The following ABCC2 variants were observed in gnomAD, a reference collection of about 807,000 sequenced individuals.
ABCC2 encodes the protein ATP binding cassette subfamily C member 2.
Under a neutral mutation model 173.4 loss-of-function variants are expected in ABCC2, and 157 were observed. That is an observed-to-expected ratio of 0.91 (90% CI 0.80 to 1.03). The LOEUF (loss-of-function observed/expected upper bound fraction) is 1.03. Among genes scored for constraint, ABCC2 ranks in the 50% least tolerant of loss-of-function variants. The pLI, the probability that ABCC2 is intolerant of heterozygous loss-of-function variation, is 0.00. For missense variants in ABCC2, 1,822 were observed against 1,852.3 expected, an observed-to-expected ratio of 0.98 and a Z score of 0.30; for synonymous variants, 657 against 693.5, an observed-to-expected ratio of 0.95 and a Z score of 0.83.
At chr10:99,791,365 G>C (rs1027398153) in intron 2 of ABCC2, among the ~76,000 whole-genome samples, 1 of 152,160 alleles carries the variant, frequency 6.6e-6, no homozygotes, top group Non-Finnish European at 1.5e-5. Context: ...CCGAGACTGC[G>C]CCTCTGCACT....
chr10:99,851,476 TTTTA>T, intron 31 of ABCC2, 22 bp from the exon 32 acceptor site: 3 of 1,613,954 alleles, frequency 1.9e-6, no homozygotes, highest in Non-Finnish European at 2.5e-6. Context: ...TTTCTAAGAC[TTTTA>T]TTTCTTTCTT....
Position 99,782,767 on chromosome 10 carries a change from T to C in ABCC2, c.-78T>C. On this transcript the variant is annotated 5_prime_UTR_variant, in exon 1 of 32. Coordinates refer to ENST00000647814, the MANE Select transcript of ABCC2 (RefSeq NM_000392.5). ...GGTAGATAATTCCTGTTCCACTTTCTTTGATGAAACAAGTAAAGAAGAAAC... is the reference window on the plus strand; with the variant it reads ...GGTAGATAATTCCTGTTCCACTTTCCTTGATGAAACAAGTAAAGAAGAAAC... 6.6e-7 allele frequency: 1 copy of C among 1,507,460 alleles called. No homozygotes were observed. Among genetic ancestry groups the C allele is most frequent in the Non-Finnish European group, 9.2e-7 (1 of 1,083,508 alleles). The allele number at this position is 1,507,460 out of a possible 1,614,324, so 93.4% of individuals were successfully genotyped here. A position where few individuals can be genotyped will look rare whatever the true frequency, so the allele number is the denominator to read the frequency against.
chr10:99,789,528 A>G (rs1399338603), intron 2 of ABCC2: 1 of 152,320 alleles, frequency 6.6e-6, no homozygotes, highest in Non-Finnish European at 1.5e-5. Flanking sequence ...CAGTCTGGGC[A>G]ACATGGTGAA....
intron 26 of ABCC2, among the ~76,000 whole-genome samples, chr10:99,843,065 AAAG>A (rs1287926227): frequency 6.6e-6 from 1 of 152,076 alleles, no homozygotes; most frequent in Non-Finnish European, 1.5e-5. Context: ...AAAAAAAAAA[AAAG>A]AAGTTAATAA....
chr10:99,819,641 AC>A (rs1477083170), intron 19 of ABCC2, among the ~76,000 whole-genome samples: 2 of 152,028 alleles, frequency 1.3e-5, no homozygotes, highest in African/African-American at 4.8e-5. Context: ...CATCCCATCT[AC>A]CCCAAATCCA....
intron 25 of ABCC2, among the ~76,000 whole-genome samples, chr10:99,841,066 T>C (rs2038935600): frequency 6.6e-6 from 1 of 152,184 alleles, no homozygotes; most frequent in Non-Finnish European, 1.5e-5. Flanking sequence ...AACCCCAGTA[T>C]ATCTCCCTGT....
At chr10:99,827,717 T>G (rs1008034631) in intron 19 of ABCC2, among the ~76,000 whole-genome samples, 60 of 151,678 alleles carry the variant, frequency 4.0e-4, no homozygotes, top group Admixed American at 3.9e-3. Flanking sequence ...TGATTAGATT[T>G]TTTTGTAGAT....
Position 99,818,790 on chromosome 10 carries a change from G to T in ABCC2, c.2272G>T (p.Gly758Cys). 3 of 1,613,886 alleles carry T rather than the reference G, an allele frequency of 1.9e-6. No individual in the cohort carries two copies. Among genetic ancestry groups the T allele is most frequent in the Non-Finnish European group, 2.5e-6 (3 of 1,179,998 alleles). Residue 758 changes from glycine (G) to cysteine (C), a missense_variant and splice_region_variant, in exon 18 of 32, where the codon GGT becomes TGT. Gly to Cys is a radical substitution (Grantham distance 159, BLOSUM62 -3). Transcript: ENST00000647814. Reference sequence around the variant, plus strand: ...TAATATGAATTATTTTCTTCTTCAGGGTATAAATCTTAGTGGGGGTCAGAA... The same window carrying T: ...TAATATGAATTATTTTCTTCTTCAGTGTATAAATCTTAGTGGGGGTCAGAA... ...GGDLAEIGEK[G>C]INLSGGQKQR... is the part of the protein sequence containing the mutation.
chr10:99,848,759 G>T (rs1268790940), intron 30 of ABCC2, among the ~76,000 whole-genome samples: 1 of 151,746 alleles, frequency 6.6e-6, no homozygotes, highest in East Asian at 1.9e-4. Flanking sequence ...CTGTAGCCCA[G>T]ACCAACTGAA....
intron 30 of ABCC2, among the ~76,000 whole-genome samples, chr10:99,849,359 T>G (rs1343811719): frequency 2.6e-5 from 4 of 152,232 alleles, no homozygotes; most frequent in African/African-American, 9.6e-5. Context: ...CAGTACAGTC[T>G]GTGCTACAGA....
At chr10:99,829,202 G>A (rs187135937) in intron 19 of ABCC2, among the ~76,000 whole-genome samples, 2 of 152,212 alleles carry the variant, frequency 1.3e-5, no homozygotes, top group Non-Finnish European at 1.5e-5. Context: ...GGGTTTTTGG[G>A]AGCATTCTGA....
At chr10:99,829,469 C>CCAAATTTGACCA (rs2038702127) in intron 19 of ABCC2, among the ~76,000 whole-genome samples, 2 of 152,030 alleles carry the variant, frequency 1.3e-5, no homozygotes, top group Admixed American at 1.3e-4. Context: ...AATCATTATT[C>CCAAATTTGACCA]TAATTGCTTT....
intron 2 of ABCC2, among the ~76,000 whole-genome samples, chr10:99,787,635 G>C (rs1286547048): frequency 2.0e-5 from 3 of 151,990 alleles, no homozygotes; most frequent in African/African-American, 7.2e-5. Flanking sequence ...TAACGCAATT[G>C]TTTTTTTAAT....
chr10:99,783,546 G>T (rs1311870294), intron 1 of ABCC2, among the ~76,000 whole-genome samples: 1 of 152,196 alleles, frequency 6.6e-6, no homozygotes, highest in Non-Finnish European at 1.5e-5. Context: ...AGTGATTTTA[G>T]TAAGGGTTTG....
intron 16 of ABCC2, among the ~76,000 whole-genome samples, chr10:99,814,149 G>GTA (rs1405375525): frequency 4.7e-5 from 1 of 21,460 alleles, no homozygotes; most frequent in Non-Finnish European, 9.8e-5. Context: ...ATACACACAT[G>GTA]TATGTATACA....
intron 19 of ABCC2, among the ~76,000 whole-genome samples, chr10:99,826,445 C>T (rs2038640445): frequency 6.6e-6 from 1 of 151,244 alleles, no homozygotes. Context: ...CATCTTGGAG[C>T]CTTGCCACAA....
At chr10:99,793,719 T>C in intron 4 of ABCC2, 34 bp downstream of exon 4, 2 of 1,613,792 alleles carry the variant, frequency 1.2e-6, no homozygotes, top group Non-Finnish European at 1.7e-6. Flanking sequence ...CATGAGGAGG[T>C]ACCATGGGGC....
At chr10:99,834,633 C>A in intron 24 of ABCC2, 98 bp downstream of exon 24, 1 of 1,399,254 alleles carries the variant, frequency 7.1e-7, no homozygotes, top group Non-Finnish European at 1.0e-6. Flanking sequence ...TTGCTAGTCA[C>A]TCACTCCTCC....
chr10:99,804,016 T>C lies in ABCC2; in HGVS notation c.1210-3T>C, dbSNP rs947302926. 6.2e-7 allele frequency: 1 copy of C among 1,614,054 alleles called. No homozygotes were observed. The highest frequency in any genetic ancestry group is 1.3e-5 in the African/African-American group (1 of 74,928). The stretch of plus-strand genomic sequence containing the variant: ...GGGTCCTAATTTCAATCCTTATCTT[T>C]AGGCATTGACCCTATCCAACTTGGC... On this transcript the variant is annotated splice_region_variant and splice_polypyrimidine_tract_variant and intron_variant, in intron 9 of 31. Coordinates refer to ENST00000647814, the MANE Select transcript of ABCC2 (RefSeq NM_000392.5).
Sources: gnomAD v4.1 joint callset for allele counts (sites outside exome capture counted in the v4.1 genomes callset) on GRCh38, gnomAD v4.1.1 for gene constraint, MANE v1.5 for transcripts, NCBI Gene and HGNC (gene_info 2026-07-23, HGNC 2026-07-21) for gene names.